The following FHIT variants were observed in gnomAD, a reference collection of about 807,000 sequenced individuals.
FHIT encodes the protein fragile histidine triad diadenosine triphosphatase, also known as bis(5'-adenosyl)-triphosphatase.
In FHIT, 19 loss-of-function variants were observed where a neutral mutation model predicts 17.9. The observed-to-expected ratio is 1.06, with a 90% CI of 0.74 to 1.56. The LOEUF is 1.56. Ranked by LOEUF, FHIT falls within the 40% of genes most tolerant of loss-of-function variation. The pLI is 0.00. For missense variants in FHIT, 248 were observed against 189.2 expected, an observed-to-expected ratio of 1.31 and a Z score of -1.82; for synonymous variants, 81 against 69.7, an observed-to-expected ratio of 1.16 and a Z score of -0.81.
At chr3:60,341,836 G>A (rs751494762) in intron 5 of FHIT, among the ~76,000 whole-genome samples, 23 of 152,116 alleles carry the variant, frequency 1.5e-4, no homozygotes, top group Non-Finnish European at 3.1e-4. Context: ...TATTCGCACC[G>A]CCTGGGTCAG....
chr3:59,884,226 T>A (rs56959208), intron 8 of FHIT, among the ~76,000 whole-genome samples: 73 of 152,346 alleles, frequency 4.8e-4, no homozygotes, highest in African/African-American at 1.4e-3. Flanking sequence ...ATTGGCTATA[T>A]AGAATCTATG....
intron 5 of FHIT, among the ~76,000 whole-genome samples, chr3:60,112,761 G>T (rs904062882): frequency 3.9e-5 from 6 of 152,158 alleles, no homozygotes; most frequent in Admixed American, 1.3e-4. Flanking sequence ...AGCTTCCTGG[G>T]TGAGTCTTTA....
chr3:59,871,027 G>A (rs1344812009), intron 8 of FHIT, among the ~76,000 whole-genome samples: 1 of 152,012 alleles, frequency 6.6e-6, no homozygotes. Flanking sequence ...ATAGGATAAG[G>A]CCACCAATTA....
At chr3:60,883,156 A>G (rs955733922) in intron 3 of FHIT, among the ~76,000 whole-genome samples, 4 of 152,230 alleles carry the variant, frequency 2.6e-5, no homozygotes, top group Admixed American at 2.6e-4. Flanking sequence ...GAATAAATCT[A>G]ACCAAGGAAG....
At chr3:60,148,927 T>C (rs1700349390) in intron 5 of FHIT, among the ~76,000 whole-genome samples, 1 of 152,220 alleles carries the variant, frequency 6.6e-6, no homozygotes, top group Non-Finnish European at 1.5e-5. Flanking sequence ...TCTTCCCTGT[T>C]GTGCTTATTA....
intron 3 of FHIT, among the ~76,000 whole-genome samples, chr3:60,866,734 T>A (rs980145530): frequency 1.3e-5 from 2 of 152,210 alleles, no homozygotes; most frequent in Non-Finnish European, 2.9e-5. Flanking sequence ...AGTCTACAGA[T>A]GAAACAAGCT....
In FHIT at chr3:60,858,249, A is replaced by T. The variant is rs191411793; in HGVS notation, c.-110-36238T>A. Among the ~76,000 whole-genome samples, 198 of 152,302 alleles carry T rather than the reference A, an allele frequency of 1.3e-3. 1 individual carries two copies. Among genetic ancestry groups the T allele is most frequent in the Middle Eastern group, 3.4e-3 (1 of 294 alleles). On this transcript the variant is annotated intron_variant, in intron 3 of 9. Coordinates refer to ENST00000492590, the MANE Select transcript of FHIT (RefSeq NM_002012.4). ...GTATTCCACAGAGAAGGAGACAGGA[A>T]AAAAGAACAGGCTTGATTTTACTAA... is the stretch of plus-strand genomic sequence containing the variant.
chr3:60,726,774 A>G (rs963399193), intron 4 of FHIT, among the ~76,000 whole-genome samples: 2 of 152,200 alleles, frequency 1.3e-5, no homozygotes, highest in Non-Finnish European at 2.9e-5. Context: ...CCCATTTTAT[A>G]TAAGAGGAAA....
chr3:60,654,321 T>G (rs2040066886), intron 4 of FHIT, among the ~76,000 whole-genome samples: 1 of 151,950 alleles, frequency 6.6e-6, no homozygotes, highest in Non-Finnish European at 1.5e-5. Flanking sequence ...AGAAGGCAAA[T>G]TAGAAAAGAA....
At chr3:60,000,316 T>C (rs1272060190) in intron 7 of FHIT, among the ~76,000 whole-genome samples, 1 of 152,230 alleles carries the variant, frequency 6.6e-6, no homozygotes, top group South Asian at 2.1e-4. Flanking sequence ...CAGGCCAAAT[T>C]TGGCCCACCA....
chr3:59,930,662 G>T (rs1053346675), intron 7 of FHIT, among the ~76,000 whole-genome samples: 12 of 152,082 alleles, frequency 7.9e-5, no homozygotes, highest in Admixed American at 5.2e-4. Flanking sequence ...TTTGCAAAAA[G>T]AATTTATTAC....
At chr3:60,159,904 C>T (rs555616211) in intron 5 of FHIT, among the ~76,000 whole-genome samples, 6 of 152,274 alleles carry the variant, frequency 3.9e-5, no homozygotes, top group Admixed American at 2.0e-4. Context: ...CCGCTCAATG[C>T]GTGCACAAAT....
At chr3:60,290,586 C>G (rs1004636744) in intron 5 of FHIT, among the ~76,000 whole-genome samples, 1 of 152,004 alleles carries the variant, frequency 6.6e-6, no homozygotes, top group Admixed American at 6.6e-5. Flanking sequence ...ACACCAACAG[C>G]AGAGATGTTA....
chr3:60,486,307 T>C (rs1177660845), intron 5 of FHIT, among the ~76,000 whole-genome samples: 1 of 152,186 alleles, frequency 6.6e-6, no homozygotes, highest in Admixed American at 6.5e-5. Context: ...GATCAAGCCA[T>C]ATGTCAGATG....
At chr3:59,789,022 G>T (rs537274637) in intron 8 of FHIT, among the ~76,000 whole-genome samples, 20 of 152,038 alleles carry the variant, frequency 1.3e-4, no homozygotes, top group Admixed American at 1.3e-4. Flanking sequence ...TAGTGATATC[G>T]CACTGCGTGC....
At chr3:60,732,684 CTTTTTT>C (rs3038041) in intron 4 of FHIT, 345 of 178,068 alleles carry the variant, frequency 1.9e-3, no homozygotes, top group South Asian at 3.5e-3. Flanking sequence ...GCAAAGACTG[CTTTTTT>C]TTTTTTTTTT....
chr3:60,169,733 G>T (rs549237197), intron 5 of FHIT, among the ~76,000 whole-genome samples: 2 of 152,280 alleles, frequency 1.3e-5, no homozygotes, highest in South Asian at 4.1e-4. Flanking sequence ...GAGAAACCAG[G>T]TTCCCTGGTG....
intron 3 of FHIT, among the ~76,000 whole-genome samples, chr3:60,880,130 G>A (rs1350174817): frequency 2.6e-5 from 4 of 152,076 alleles, no homozygotes; most frequent in African/African-American, 9.7e-5. Context: ...AACAACAAGA[G>A]AAATGTGTCA....
chr3:60,071,284 A>G lies in FHIT; in HGVS notation c.104-57132T>C, dbSNP rs1702757424. On this transcript the variant is annotated intron_variant, in intron 5 of 9. Transcript: ENST00000492590. The stretch of plus-strand genomic sequence containing the variant: ...GAAAGAATCCTATTCATAATTTTCT[A>G]CACAGCTTATATGTTGAAATCATAC... Among the ~76,000 whole-genome samples, 2 of 152,224 alleles carry G rather than the reference A, an allele frequency of 1.3e-5. 1 individual carries two copies.
Sources: gnomAD v4.1 joint callset for allele counts (sites outside exome capture counted in the v4.1 genomes callset) on GRCh38, gnomAD v4.1.1 for gene constraint, MANE v1.5 for transcripts, NCBI Gene and HGNC (gene_info 2026-07-23, HGNC 2026-07-21) for gene names.